NCAM2: variants seen among roughly 807,000 people sequenced by gnomAD.
NCAM2 encodes the protein neural cell adhesion molecule 2.
NCAM2 carries 30 observed loss-of-function variants against 98.1 expected under a neutral mutation model. The observed-to-expected ratio is 0.31, with a 90% confidence interval of 0.23 to 0.41. The LOEUF (loss-of-function observed/expected upper bound fraction) is 0.41, where lower values mean the gene tolerates loss of function less well. Among genes scored for constraint, NCAM2 ranks in the 10% least tolerant of loss-of-function variants. NCAM2 has a pLI of 1.00. For synonymous variants in NCAM2, 368 were observed against 342.4 expected (o/e 1.07, Z -0.83); for missense variants, 867 against 1,005.8 (o/e 0.86, Z 1.87).
chr21:21,418,011 A>C (rs975753224), intron 10 of NCAM2, among the ~76,000 whole-genome samples: 21 of 152,062 alleles, frequency 1.4e-4, no homozygotes, highest in African/African-American at 4.8e-4. Flanking sequence ...CTGAGGCCAA[A>C]ACATAAAAAA....
chr21:21,199,798 A>G (rs899689987), intron 1 of NCAM2, among the ~76,000 whole-genome samples: 1 of 152,064 alleles, frequency 6.6e-6, no homozygotes, highest in African/African-American at 2.4e-5. Context: ...CTATAATCGT[A>G]TGGCATTCTT....
intron 12 of NCAM2, among the ~76,000 whole-genome samples, chr21:21,437,458 A>G (rs376846567): frequency 1.3e-3 from 125 of 96,576 alleles, no homozygotes; most frequent in African/African-American, 5.7e-3. Flanking sequence ...TATTTATCCA[A>G]TCCCCCACCA....
At position 21,171,083 on chromosome 21, in the gene NCAM2, G is replaced by T. The variant is rs534419272; in HGVS notation, c.56-109495G>T. ...AAGGGTGTGGTAATACATTTATAAT[G>T]TGATACTTTCAGCCACTGTTATGAT... On this transcript the variant is annotated intron_variant, in intron 1 of 17. Transcript: ENST00000400546. 3.6e-4 allele frequency among the ~76,000 whole-genome samples: 55 copies of T among 152,294 alleles called. No homozygotes were observed. The East Asian group carries it at 9.1e-3, about 25-fold the overall frequency.
At chr21:21,086,761 C>A (rs2065912997) in intron 1 of NCAM2, among the ~76,000 whole-genome samples, 2 of 152,070 alleles carry the variant, frequency 1.3e-5, no homozygotes, top group Non-Finnish European at 2.9e-5. Flanking sequence ...ACGTGTGTGG[C>A]AGGCCAAACT....
chr21:21,121,514 C>T (rs1256960743), intron 1 of NCAM2, among the ~76,000 whole-genome samples: 1 of 152,118 alleles, frequency 6.6e-6, no homozygotes, highest in Non-Finnish European at 1.5e-5. Context: ...GAATTGGGCT[C>T]TAATTATGAA....
At chr21:21,365,238 CGTGTGTGTGTGTGTGTGT>C (rs66559489) in intron 8 of NCAM2, among the ~76,000 whole-genome samples, 16 of 146,902 alleles carry the variant, frequency 1.1e-4, no homozygotes, top group African/African-American at 4.0e-4. Flanking sequence ...TTGCTTAGTG[CGTGTGTGTGTGTGTGTGT>C]GTGTGTGTGT....
chr21:21,053,524 G>A (rs2065153472), intron 1 of NCAM2, among the ~76,000 whole-genome samples: 1 of 151,554 alleles, frequency 6.6e-6, no homozygotes, highest in South Asian at 2.1e-4. Flanking sequence ...CAACTTTGTA[G>A]ACTATGTGTT....
chr21:21,503,892 G>A (rs1393520162), intron 15 of NCAM2, among the ~76,000 whole-genome samples: 7 of 151,654 alleles, frequency 4.6e-5, no homozygotes. Flanking sequence ...ATTCAATTAT[G>A]AAGCCCATTT....
chr21:21,316,582 T>A (rs2074228782), intron 5 of NCAM2, among the ~76,000 whole-genome samples: 1 of 146,524 alleles, frequency 6.8e-6, no homozygotes, highest in African/African-American at 2.5e-5. Flanking sequence ...GTTGCCCATG[T>A]TGGAGTGCAA....
At chr21:21,483,027 A>G (rs1023714436) in intron 15 of NCAM2, among the ~76,000 whole-genome samples, 1 of 152,056 alleles carries the variant, frequency 6.6e-6, no homozygotes, top group East Asian at 1.9e-4. Context: ...CTTAATGACT[A>G]AAAATACTAC....
chr21:21,498,655 C>G (rs1369712501), intron 15 of NCAM2, among the ~76,000 whole-genome samples: 1 of 152,072 alleles, frequency 6.6e-6, no homozygotes, highest in Non-Finnish European at 1.5e-5. Context: ...ATACTCTGAG[C>G]TGTCCAGAGG....
At chr21:21,362,657 A>C (rs1458051321) in intron 8 of NCAM2, among the ~76,000 whole-genome samples, 4 of 152,186 alleles carry the variant, frequency 2.6e-5, no homozygotes, top group Non-Finnish European at 5.9e-5. Flanking sequence ...TTATCCATTT[A>C]GAAGACTGCA....
rs1289590549 is a variant in NCAM2, at chr21:21,493,672, CTGTCCTAAAAATCCTCTG to C, written c.2078-15161_2078-15144del. 7.2e-5 allele frequency among the ~76,000 whole-genome samples: 11 copies of C among 151,992 alleles called. No individual in the cohort carries two copies. The East Asian group carries it at 1.2e-3, about 16-fold the overall frequency. On this transcript the variant is annotated intron_variant, in intron 15 of 17. Coordinates refer to ENST00000400546, the MANE Select transcript of NCAM2 (RefSeq NM_004540.5). ...TTTGGTACCATACATAATAAATTCA[CTGTCCTAAAAATCCTCTG>C]TGTCCTAAAAATCCTCTCTTCCTCC...
At chr21:21,417,222 T>A (rs1205446670) in intron 10 of NCAM2, among the ~76,000 whole-genome samples, 1 of 152,132 alleles carries the variant, frequency 6.6e-6, no homozygotes, top group Non-Finnish European at 1.5e-5. Context: ...AGAATAAGAA[T>A]TTTTTGTTAA....
intron 1 of NCAM2, among the ~76,000 whole-genome samples, chr21:21,040,280 C>T (rs1482269055): frequency 6.6e-6 from 1 of 152,118 alleles, no homozygotes; most frequent in Non-Finnish European, 1.5e-5. Flanking sequence ...AGATGTTTAA[C>T]TCACTTTCTT....
intron 14 of NCAM2, among the ~76,000 whole-genome samples, chr21:21,472,490 T>C (rs1433309011): frequency 6.6e-6 from 1 of 152,100 alleles, no homozygotes; most frequent in Non-Finnish European, 1.5e-5. Flanking sequence ...CAATGAATAC[T>C]TATGGACATT....
intron 15 of NCAM2, among the ~76,000 whole-genome samples, chr21:21,489,456 TC>T (rs1986670987): frequency 6.6e-6 from 1 of 152,086 alleles, no homozygotes; most frequent in Non-Finnish European, 1.5e-5. Context: ...TCTTTCTCTC[TC>T]TGTCTCTCTT....
intron 1 of NCAM2, among the ~76,000 whole-genome samples, chr21:21,078,583 T>C (rs1168728167): frequency 6.6e-6 from 1 of 152,212 alleles, no homozygotes; most frequent in African/African-American, 2.4e-5. Flanking sequence ...TTTACACTGT[T>C]GGTGGGAATA....
intron 1 of NCAM2, among the ~76,000 whole-genome samples, chr21:21,170,859 G>A (rs937694252): frequency 1.3e-5 from 2 of 152,074 alleles, no homozygotes; most frequent in Admixed American, 6.6e-5. Flanking sequence ...GCTTGGTGTG[G>A]GGACAGGGCT....
Sources: gnomAD v4.1 joint callset for allele counts (sites outside exome capture counted in the v4.1 genomes callset) on GRCh38, gnomAD v4.1.1 for gene constraint, MANE v1.5 for transcripts, NCBI Gene and HGNC (gene_info 2026-07-23, HGNC 2026-07-21) for gene names.